Variants in ANK3 observed in about 807,000 individuals in gnomAD.
ANK3 encodes the protein ankyrin-3.
A neutral mutation model predicts 370.9 loss-of-function variants in ANK3; 57 were observed. That is an observed-to-expected ratio of 0.15 (90% CI 0.12 to 0.19). The LOEUF (loss-of-function observed/expected upper bound fraction) is 0.19, where lower values mean the gene tolerates loss of function less well. Among genes scored for constraint, ANK3 ranks in the 10% least tolerant of loss-of-function variants. The pLI is 1.00. For synonymous variants in ANK3, 1,929 were observed against 1,946.3 expected (o/e 0.99, Z 0.23); for missense variants, 4,439 against 5,302.1 (o/e 0.84, Z 5.06).
intron 2 of ANK3, among the ~76,000 whole-genome samples, chr10:60,403,479 A>G (rs1018645169): frequency 1.3e-5 from 2 of 152,254 alleles, no homozygotes; most frequent in Non-Finnish European, 2.9e-5. Context: ...CAAATTTAAT[A>G]AAGTGAGGCT....
At chr10:60,486,282 T>A (rs1369394061) in intron 2 of ANK3, among the ~76,000 whole-genome samples, 2 of 152,208 alleles carry the variant, frequency 1.3e-5, no homozygotes, top group Non-Finnish European at 2.9e-5. Flanking sequence ...TCAATTAAAA[T>A]CTACAGTTAT....
chr10:60,572,729 A>G lies in ANK3; in HGVS notation c.96+42457T>C, dbSNP rs531349830. 5.9e-5 allele frequency: 81 copies of G among 1,369,682 alleles called. No homozygotes were observed. In the Middle Eastern group the frequency reaches 9.8e-4, roughly 17 times the overall value. 84.8% of individuals were successfully genotyped at this position (1,369,682 alleles called of 1,614,324 possible). On this transcript the variant is annotated intron_variant, in intron 2 of 43. Transcript: ENST00000373827. Reference sequence around the variant, plus strand: ...AATGTAGCCCTGTTCAGCTTTCCTCAGGAAGAAACTGGGTGTTCTCTATAT... The same window carrying G: ...AATGTAGCCCTGTTCAGCTTTCCTCGGGAAGAAACTGGGTGTTCTCTATAT...
chr10:60,378,543 A>G (rs575057766), intron 1 of ANK3, among the ~76,000 whole-genome samples: 1 of 152,308 alleles, frequency 6.6e-6, no homozygotes, highest in East Asian at 1.9e-4. Flanking sequence ...TTTAATCCAC[A>G]TATCTACAGC....
At chr10:60,305,685 A>T (rs907711360) in intron 1 of ANK3, among the ~76,000 whole-genome samples, 2 of 152,184 alleles carry the variant, frequency 1.3e-5, no homozygotes, top group African/African-American at 2.4e-5. Flanking sequence ...ATTATACGAA[A>T]TAAGAAGACT....
chr10:60,188,749 G>T (rs1377016323), intron 16 of ANK3, among the ~76,000 whole-genome samples: 1 of 152,176 alleles, frequency 6.6e-6, no homozygotes, highest in Non-Finnish European at 1.5e-5. Flanking sequence ...ATGAGCCAGG[G>T]TAAAAGAAGA....
intron 18 of ANK3, 117 bp downstream of exon 18, chr10:60,181,212 C>T (rs2096173571): frequency 1.1e-6 from 1 of 949,608 alleles, no homozygotes; most frequent in South Asian, 1.5e-5. Flanking sequence ...ATTTAAAATA[C>T]TACGTAGAAA....
chr10:60,333,852 T>C (rs2052089908), intron 1 of ANK3, among the ~76,000 whole-genome samples: 1 of 152,184 alleles, frequency 6.6e-6, no homozygotes, highest in South Asian at 2.1e-4. Flanking sequence ...ATAGTGTTTT[T>C]AAAGAAAATT....
In ANK3 at chr10:60,528,137, C is replaced by CT. The variant is rs10677013; in HGVS notation, c.96+87048dup. 3.6e-3 allele frequency among the ~76,000 whole-genome samples: 395 copies of CT among 111,038 alleles called. 1 individual carries two copies. The highest frequency in any genetic ancestry group is 5.1e-3 in the Non-Finnish European group (280 of 55,094). 72.8% of individuals were successfully genotyped at this position (111,038 alleles called of 152,430 possible). A position where few individuals can be genotyped will look rare whatever the true frequency, so the allele number is the denominator to read the frequency against. On this transcript the variant is annotated intron_variant, in intron 2 of 43. Transcript: ENST00000373827. ...TTTCTTTTTTTCTTTTCTTCTTCTT[C>CT]TTTTTTTTTTTTTTTTGAGACAGAG...
chr10:60,458,383 A>G (rs984453569), intron 2 of ANK3, among the ~76,000 whole-genome samples: 5 of 152,250 alleles, frequency 3.3e-5, no homozygotes, highest in African/African-American at 1.2e-4. Flanking sequence ...GGGTCCTAAT[A>G]TGTGTCTGGT....
In ANK3 at chr10:60,059,626, G is replaced by C. The variant is rs889084307; in HGVS notation, c.12596-196C>G. 2.7e-6 allele frequency: 4 copies of C among 1,505,836 alleles called. No homozygotes were observed. The African/African-American group carries it at 5.5e-5, about 21-fold the overall frequency. The allele number at this position is 1,505,836 out of a possible 1,614,324, so 93.3% of individuals were successfully genotyped here. The stretch of plus-strand genomic sequence containing the variant: ...TCCTGCTGCTCAGAGCTTACTCCTA[G>C]TTTTCTAGGCTCTGCTGGTTTAACA... On this transcript the variant is annotated intron_variant, in intron 40 of 43. Coordinates refer to ENST00000280772, the MANE Select transcript of ANK3 (RefSeq NM_020987.5).
intron 2 of ANK3, among the ~76,000 whole-genome samples, chr10:60,575,406 G>C (rs1202164450): frequency 1.3e-5 from 2 of 151,916 alleles, no homozygotes; most frequent in East Asian, 3.9e-4. Flanking sequence ...ATTTTAAGAA[G>C]GAATTATTCT....
At position 60,075,989 on chromosome 10, in the gene ANK3, C is replaced by A; in HGVS notation, c.4892G>T (p.Gly1631Val). The A allele has an allele frequency of 6.2e-7, 1 of 1,614,046 alleles. No homozygotes were observed. Among genetic ancestry groups the A allele is most frequent in the Non-Finnish European group, 8.5e-7 (1 of 1,179,998 alleles). ...AATTGATGACCTCTCCAAAAGAGACCCTGCTGTAGTCACTGGAGAGGTTCG... is the reference window on the plus strand; with the variant it reads ...AATTGATGACCTCTCCAAAAGAGACACTGCTGTAGTCACTGGAGAGGTTCG... ...SSRTSPVTTA[G>V]SLLERSSITM... The change falls in exon 37 of 44, where the codon GGG (glycine) becomes GTG (valine). Residue 1631 changes from glycine to valine, a missense_variant. Physicochemically the swap from Gly to Val is moderately radical, Grantham distance 109 (BLOSUM62 -3). Transcript: ENST00000280772.
chr10:60,586,024 C>CAAAAA (rs1389792077), intron 2 of ANK3, among the ~76,000 whole-genome samples: 13 of 146,894 alleles, frequency 8.8e-5, no homozygotes, highest in Non-Finnish European at 1.6e-4. Flanking sequence ...AACTCCGTCT[C>CAAAAA]AAAACAAAAA....
At chr10:60,337,000 G>A (rs1268434325) in intron 1 of ANK3, among the ~76,000 whole-genome samples, 5 of 150,312 alleles carry the variant, frequency 3.3e-5, no homozygotes, top group African/African-American at 7.3e-5. Flanking sequence ...TTGCTGCTCA[G>A]TGGCTTGTCA....
At chr10:60,194,917 G>A (rs561033960) in intron 16 of ANK3, among the ~76,000 whole-genome samples, 2 of 152,092 alleles carry the variant, frequency 1.3e-5, no homozygotes, top group South Asian at 2.1e-4. Context: ...AATATCTGTC[G>A]AAGATAACAT....
chr10:60,058,011 T>C (rs976279063), intron 41 of ANK3, among the ~76,000 whole-genome samples: 16 of 152,214 alleles, frequency 1.1e-4, no homozygotes, highest in African/African-American at 3.1e-4. Context: ...AAATAAGTTC[T>C]CTTGTGTCCA....
chr10:60,267,204 CTGTT>C (rs1232500723), intron 5 of ANK3, among the ~76,000 whole-genome samples: 6 of 152,080 alleles, frequency 3.9e-5, no homozygotes. Flanking sequence ...TTGCCCCCTA[CTGTT>C]TGTTCTGTAA....
chr10:60,345,780 T>C (rs2055323567), intron 1 of ANK3, among the ~76,000 whole-genome samples: 1 of 152,150 alleles, frequency 6.6e-6, no homozygotes, highest in East Asian at 1.9e-4. Flanking sequence ...AAAAATACTC[T>C]TTAAAACTGC....
chr10:60,602,578 G>T (rs994223407), intron 2 of ANK3, among the ~76,000 whole-genome samples: 1 of 152,026 alleles, frequency 6.6e-6, no homozygotes, highest in East Asian at 1.9e-4. Flanking sequence ...TGTCAATGGG[G>T]CCCATGTAAT....
Sources: gnomAD v4.1 joint callset for allele counts (sites outside exome capture counted in the v4.1 genomes callset) on GRCh38, gnomAD v4.1.1 for gene constraint, MANE v1.5 for transcripts, NCBI Gene and HGNC (gene_info 2026-07-23, HGNC 2026-07-21) for gene names.